Variants in KCNIP4 observed in about 807,000 individuals in gnomAD.
The protein encoded by KCNIP4 is Kv channel-interacting protein 4.
In KCNIP4, 12 loss-of-function variants were observed where a neutral mutation model predicts 34.0. The ratio of observed to expected loss-of-function variants is 0.35; its 90% confidence interval spans 0.23 to 0.57. KCNIP4 has a LOEUF of 0.57. Ranked by LOEUF, KCNIP4 falls within the 20% of genes least tolerant of loss-of-function variation. The probability of loss-of-function intolerance (pLI) is 0.83; values close to 1 mark genes in which losing one functional copy is unlikely to be tolerated. For missense variants in KCNIP4, 238 were observed against 311.7 expected, an observed-to-expected ratio of 0.76 and a Z score of 1.78; for synonymous variants, 124 against 102.2, an observed-to-expected ratio of 1.21 and a Z score of -1.29.
At chr4:21,529,205 C>T (rs1736448269) in intron 1 of KCNIP4, among the ~76,000 whole-genome samples, 1 of 151,962 alleles carries the variant, frequency 6.6e-6, no homozygotes, top group African/African-American at 2.4e-5. Flanking sequence ...ATTTGCTGAC[C>T]CCTACTATAG....
At chr4:21,625,307 G>T (rs1321256915) in intron 1 of KCNIP4, among the ~76,000 whole-genome samples, 1 of 151,962 alleles carries the variant, frequency 6.6e-6, no homozygotes, top group Non-Finnish European at 1.5e-5. Flanking sequence ...TAATAAATCT[G>T]CTGATCTCAG....
At chr4:21,729,971 G>T (rs1487236395) in intron 1 of KCNIP4, 3 of 151,966 alleles carry the variant, frequency 2.0e-5, no homozygotes, top group African/African-American at 4.8e-5. Flanking sequence ...TTGTTGGCTT[G>T]CTTCCCAATA....
chr4:21,604,245 A>ATTGT (rs1298744807), intron 1 of KCNIP4, among the ~76,000 whole-genome samples: 3 of 152,152 alleles, frequency 2.0e-5, no homozygotes, highest in African/African-American at 7.2e-5. Flanking sequence ...AGCCCATTAA[A>ATTGT]TTGTTTAGAA....
At position 21,648,153 on chromosome 4, in the gene KCNIP4, G is replaced by A. The variant is rs548548459; in HGVS notation, c.61+300418C>T. Among the ~76,000 whole-genome samples, 152 of 152,078 alleles carry A rather than the reference G, an allele frequency of 1.0e-3. 4 individuals carry two copies. The South Asian group carries it at 0.025, about 25-fold the overall frequency. On this transcript the variant is annotated intron_variant, in intron 1 of 8. Transcript: ENST00000382152. ...CTCCCAAAGTGCTGGGATTACAGGT[G>A]TGAGCCACCGCGCCTGGCCTACAAT...
In KCNIP4 at chr4:21,248,434, G is replaced by A. The variant is rs565256209; in HGVS notation, c.62-365725C>T. On this transcript the variant is annotated intron_variant, in intron 1 of 8. Coordinates refer to ENST00000382152, the MANE Select transcript of KCNIP4 (RefSeq NM_025221.6). Reference sequence around the variant, plus strand: ...ACCTTCCCCTTGGGAATCTTCGCACGGATTTGCTAATTGGGTTTCTCTGAA... The same window carrying A: ...ACCTTCCCCTTGGGAATCTTCGCACAGATTTGCTAATTGGGTTTCTCTGAA... Among the ~76,000 whole-genome samples the A allele has an allele frequency of 1.2e-4, 18 of 152,150 alleles. 1 individual carries two copies. The highest frequency in any genetic ancestry group is 2.1e-4 in the Non-Finnish European group (14 of 68,004).
chr4:21,379,737 C>T (rs1721304537), intron 1 of KCNIP4, among the ~76,000 whole-genome samples: 1 of 152,088 alleles, frequency 6.6e-6, no homozygotes, highest in African/African-American at 2.4e-5. Flanking sequence ...CTGTATTAGC[C>T]ACCCGCCATA....
chr4:21,386,049 T>C (rs957166189), intron 1 of KCNIP4, among the ~76,000 whole-genome samples: 1 of 152,148 alleles, frequency 6.6e-6, no homozygotes, highest in African/African-American at 2.4e-5. Context: ...TTTTAGTCTG[T>C]AATGGGTCGT....
intron 1 of KCNIP4, among the ~76,000 whole-genome samples, chr4:21,760,316 A>G (rs911469041): frequency 2.0e-5 from 3 of 152,150 alleles, no homozygotes; most frequent in Admixed American, 1.3e-4. Flanking sequence ...TGTCAGCACA[A>G]GAAAAACCCT....
At chr4:21,249,787 A>C (rs1265156528) in intron 1 of KCNIP4, among the ~76,000 whole-genome samples, 1 of 152,136 alleles carries the variant, frequency 6.6e-6, no homozygotes, top group Non-Finnish European at 1.5e-5. Flanking sequence ...AAAAGGTAAC[A>C]ATGTTTTGGC....
intron 1 of KCNIP4, among the ~76,000 whole-genome samples, chr4:21,370,800 A>AAT (rs1173506757): frequency 3.2e-3 from 58 of 17,960 alleles, no homozygotes; most frequent in Non-Finnish European, 4.2e-3. Context: ...CATGGATTGA[A>AAT]ATATATATAT....
chr4:21,506,459 C>A (rs1733853659), intron 1 of KCNIP4, among the ~76,000 whole-genome samples: 1 of 152,186 alleles, frequency 6.6e-6, no homozygotes, highest in South Asian at 2.1e-4. Context: ...CTAGTGGATT[C>A]TCAATACTGG....
chr4:20,893,390 C>T (rs7670834), intron 1 of KCNIP4, among the ~76,000 whole-genome samples: 59,520 of 151,652 alleles, frequency 0.39, 12,373 homozygotes, highest in East Asian at 0.58. Flanking sequence ...GTTTGTAAGG[C>T]TTCGGAAAAG....
chr4:21,602,278 C>T (rs1400989629), intron 1 of KCNIP4, among the ~76,000 whole-genome samples: 1 of 152,148 alleles, frequency 6.6e-6, no homozygotes, highest in East Asian at 1.9e-4. Context: ...TGTTTCATAA[C>T]TATTTGCTTG....
At chr4:21,115,907 C>T (rs1197589569) in intron 1 of KCNIP4, among the ~76,000 whole-genome samples, 1 of 152,106 alleles carries the variant, frequency 6.6e-6, no homozygotes, top group Non-Finnish European at 1.5e-5. Context: ...TTTTTTAGAA[C>T]ATCTATGTAA....
intron 1 of KCNIP4, among the ~76,000 whole-genome samples, chr4:21,035,780 G>A (rs1419404735): frequency 2.6e-5 from 4 of 152,142 alleles, no homozygotes; most frequent in Non-Finnish European, 5.9e-5. Context: ...GCCTTGCTAA[G>A]CTCTTCCTTC....
chr4:21,753,996 A>T (rs1294344271), intron 1 of KCNIP4, among the ~76,000 whole-genome samples: 1 of 152,160 alleles, frequency 6.6e-6, no homozygotes, highest in Non-Finnish European at 1.5e-5. Flanking sequence ...CCTAACAGGC[A>T]TTGTGCATGC....
intron 1 of KCNIP4, among the ~76,000 whole-genome samples, chr4:21,213,070 G>T (rs1008589847): frequency 2.0e-5 from 3 of 152,072 alleles, no homozygotes; most frequent in African/African-American, 7.2e-5. Flanking sequence ...TAACTAAAGT[G>T]AACTAAACTT....
Position 21,379,752 on chromosome 4 carries a change from T to C in KCNIP4, c.62-497043A>G, listed in dbSNP as rs139276938. 9.2e-5 allele frequency among the ~76,000 whole-genome samples: 14 copies of C among 152,304 alleles called. No individual in the cohort carries two copies. The East Asian group carries it at 2.7e-3, about 29-fold the overall frequency. The stretch of plus-strand genomic sequence containing the variant: ...CTGTATTAGCCACCCGCCATAACTG[T>C]TTTTCTATATCTCTTTCAGAAAGAT... On this transcript the variant is annotated intron_variant, in intron 1 of 8. Coordinates refer to ENST00000382152, the MANE Select transcript of KCNIP4 (RefSeq NM_025221.6).
chr4:21,314,153 T>G (rs1353903857), intron 1 of KCNIP4, among the ~76,000 whole-genome samples: 1 of 152,182 alleles, frequency 6.6e-6, no homozygotes, highest in Non-Finnish European at 1.5e-5. Context: ...CTTGGTGCCG[T>G]GTTCTGTCTG....
Sources: allele counts gnomAD v4.1 joint callset (sites outside exome capture counted in the v4.1 genomes callset), GRCh38; gene constraint gnomAD v4.1.1; transcripts MANE v1.5; gene names NCBI Gene and HGNC (gene_info 2026-07-23, HGNC 2026-07-21).